The following FAM83B variants were observed in gnomAD, a reference collection of about 807,000 sequenced individuals.
FAM83B encodes protein FAM83B.
A neutral mutation model predicts 38.8 loss-of-function variants in FAM83B; 26 were observed. The ratio of observed to expected loss-of-function variants is 0.67; its 90% confidence interval spans 0.49 to 0.93. FAM83B has a LOEUF of 0.93. Ranked by LOEUF, FAM83B falls within the 40% of genes least tolerant of loss-of-function variation. The probability of loss-of-function intolerance (pLI) is 0.00; values close to 1 mark genes in which losing one functional copy is unlikely to be tolerated. For missense variants in FAM83B, 1,237 were observed against 1,197.3 expected, an observed-to-expected ratio of 1.03 and a Z score of -0.49; for synonymous variants, 419 against 423.1, an observed-to-expected ratio of 0.99 and a Z score of 0.12.
intron 1 of FAM83B, among the ~76,000 whole-genome samples, chr6:54,862,238 G>C (rs1028615063): frequency 6.6e-6 from 1 of 152,178 alleles, no homozygotes; most frequent in African/African-American, 2.4e-5. Flanking sequence ...GCCACAGAAG[G>C]CCACGGGTTT....
chr6:54,846,706 C>G (rs1471601786), upstream of FAM83B: 1 of 152,230 alleles, frequency 6.6e-6, no homozygotes, highest in Non-Finnish European at 1.5e-5. Flanking sequence ...GCGGACCTGA[C>G]GCTGGGCAGG....
chr6:54,883,761 ATGG>A (rs993466196), intron 2 of FAM83B, among the ~76,000 whole-genome samples: 1 of 149,950 alleles, frequency 6.7e-6, no homozygotes, highest in Non-Finnish European at 1.5e-5. Flanking sequence ...CACTCTGATA[ATGG>A]TTTTTTTTTT....
At chr6:54,864,776 G>A (rs545907421) in intron 1 of FAM83B, among the ~76,000 whole-genome samples, 1 of 152,144 alleles carries the variant, frequency 6.6e-6, no homozygotes, top group Non-Finnish European at 1.5e-5. Context: ...CATGGGTAAT[G>A]ATTTTATATG....
At chr6:54,916,860 G>C (rs986110772) in intron 2 of FAM83B, among the ~76,000 whole-genome samples, 1 of 152,094 alleles carries the variant, frequency 6.6e-6, no homozygotes, top group Non-Finnish European at 1.5e-5. Context: ...TATATGTTAT[G>C]TTGCTATCTT....
chr6:54,877,599 T>C (rs1772030880), intron 2 of FAM83B, among the ~76,000 whole-genome samples: 2 of 152,246 alleles, frequency 1.3e-5, no homozygotes, highest in South Asian at 2.1e-4. Flanking sequence ...TTTTGAGTAA[T>C]GAATTTATAT....
chr6:54,907,703 A>G (rs980463738), intron 2 of FAM83B, among the ~76,000 whole-genome samples: 23 of 152,012 alleles, frequency 1.5e-4, no homozygotes, highest in African/African-American at 4.8e-4. Flanking sequence ...GACCTAATTT[A>G]TGTATTTGTT....
chr6:54,866,040 C>T (rs1771693874), intron 1 of FAM83B, among the ~76,000 whole-genome samples: 2 of 150,742 alleles, frequency 1.3e-5, no homozygotes, highest in African/African-American at 4.9e-5. Context: ...TTAAAATAAC[C>T]CAAGAAGATA....
chr6:54,851,749 G>A (rs1027668743), intron 1 of FAM83B, among the ~76,000 whole-genome samples: 2 of 141,980 alleles, frequency 1.4e-5, no homozygotes, highest in African/African-American at 5.4e-5. Context: ...CCGGGTTCAT[G>A]CCATTCTCCT....
At chr6:54,851,233 C>T (rs1378905168) in intron 1 of FAM83B, among the ~76,000 whole-genome samples, 1 of 150,716 alleles carries the variant, frequency 6.6e-6, no homozygotes, top group Non-Finnish European at 1.5e-5. Context: ...TCCTTTGTAT[C>T]CTCCTTTTGT....
At chr6:54,938,852 C>CT (rs2127591179) in intron 4 of FAM83B, among the ~76,000 whole-genome samples, 1 of 152,104 alleles carries the variant, frequency 6.6e-6, no homozygotes, top group Non-Finnish European at 1.5e-5. Flanking sequence ...TGTGTAGAAG[C>CT]TTTTTTGTTT....
At chr6:54,907,470 T>C (rs1772799684) in intron 2 of FAM83B, among the ~76,000 whole-genome samples, 2 of 152,150 alleles carry the variant, frequency 1.3e-5, no homozygotes, top group South Asian at 4.1e-4. Flanking sequence ...ACTGCATCTC[T>C]TCAGTTCTTT....
upstream of FAM83B, among the ~76,000 whole-genome samples, chr6:54,846,411 G>A (rs925483114): frequency 1.3e-5 from 2 of 152,188 alleles, no homozygotes. Context: ...CCAGGTGAGC[G>A]TCGCTGTCCT....
chr6:54,858,864 A>T (rs1250945553), intron 1 of FAM83B, among the ~76,000 whole-genome samples: 1 of 152,250 alleles, frequency 6.6e-6, no homozygotes, highest in Admixed American at 6.5e-5. Flanking sequence ...TATGTTTTTG[A>T]TATAGATCTA....
intron 2 of FAM83B, among the ~76,000 whole-genome samples, chr6:54,879,330 C>T (rs964757659): frequency 3.9e-5 from 6 of 152,116 alleles, no homozygotes; most frequent in East Asian, 1.9e-4. Context: ...AAGAACATGA[C>T]GGATTAGATG....
chr6:54,858,088 A>G (rs1272715596), intron 1 of FAM83B, among the ~76,000 whole-genome samples: 1 of 152,178 alleles, frequency 6.6e-6, no homozygotes, highest in African/African-American at 2.4e-5. Context: ...TCATGGATGT[A>G]AGACTGGACG....
chr6:54,860,175 T>G (rs958835191), intron 1 of FAM83B, among the ~76,000 whole-genome samples: 1 of 152,206 alleles, frequency 6.6e-6, no homozygotes, highest in East Asian at 1.9e-4. Flanking sequence ...CTTTTCTGCA[T>G]GTTATTAAAA....
At chr6:54,883,866 G>A (rs190278388) in intron 2 of FAM83B, among the ~76,000 whole-genome samples, 260 of 151,080 alleles carry the variant, frequency 1.7e-3, no homozygotes, top group African/African-American at 5.7e-3. Context: ...CTATTTTTGT[G>A]TTCTATCAAA....
chr6:54,864,656 C>T (rs534544596), intron 1 of FAM83B, among the ~76,000 whole-genome samples: 1 of 152,134 alleles, frequency 6.6e-6, no homozygotes, highest in African/African-American at 2.4e-5. Context: ...TTAATAGAAA[C>T]TTCTTTCATG....
At chr6:54,905,576 C>T (rs568348600) in intron 2 of FAM83B, among the ~76,000 whole-genome samples, 5 of 152,128 alleles carry the variant, frequency 3.3e-5, no homozygotes, top group East Asian at 1.9e-4. Context: ...CAACATGCTG[C>T]GCAGTAGATC....
Sources: gnomAD v4.1 joint callset for allele counts (sites outside exome capture counted in the v4.1 genomes callset) on GRCh38, gnomAD v4.1.1 for gene constraint, MANE v1.5 for transcripts, NCBI Gene and HGNC (gene_info 2026-07-23, HGNC 2026-07-21) for gene names.